The following TRIT1 variants were observed in gnomAD, a reference collection of about 807,000 sequenced individuals.
The protein encoded by TRIT1 is tRNA isopentenyltransferase 1.
TRIT1 carries 43 observed loss-of-function variants against 51.2 expected under a neutral mutation model. The observed-to-expected ratio is 0.84, with a 90% confidence interval of 0.66 to 1.08. The LOEUF is 1.08. Among genes scored for constraint, TRIT1 ranks in the 50% least tolerant of loss-of-function variants. TRIT1 has a pLI of 0.00. For missense variants in TRIT1, 528 were observed against 578.4 expected, an observed-to-expected ratio of 0.91 and a Z score of 0.89; for synonymous variants, 184 against 203.9, an observed-to-expected ratio of 0.90 and a Z score of 0.83.
At position 39,872,068 on chromosome 1, in the gene TRIT1, A is replaced by ATTTTT. The variant is rs59839907; in HGVS notation, c.174+11245_174+11249dup. On this transcript the variant is annotated intron_variant, in intron 1 of 10. Coordinates refer to ENST00000316891, the MANE Select transcript of TRIT1 (RefSeq NM_017646.6). ...AGGTATGTGCTACCAGGCCTGACTA[A>ATTTTT]TTTTTTTTTTTTTTTTTTTTTTTGT... Among the ~76,000 whole-genome samples, 259 of 114,182 alleles carry ATTTTT rather than the reference A, an allele frequency of 2.3e-3. 4 individuals carry two copies. The highest frequency in any genetic ancestry group is 8.7e-3 in the East Asian group (27 of 3,100). The allele number at this position is 114,182 out of a possible 152,430, so 74.9% of individuals were successfully genotyped here.
intron 1 of TRIT1, among the ~76,000 whole-genome samples, chr1:39,859,665 CTCTT>C (rs776114239): frequency 5.9e-5 from 9 of 152,070 alleles, no homozygotes; most frequent in South Asian, 4.1e-4. Flanking sequence ...CTCTCTCTCT[CTCTT>C]TTTCTCACAG....
In TRIT1 at chr1:39,854,012, A is replaced by G; in HGVS notation, c.372T>C (p.Tyr124=). 6.2e-7 allele frequency: 1 copy of G among 1,613,662 alleles called. No individual in the cohort carries two copies. The highest frequency in any genetic ancestry group is 1.1e-5 in the South Asian group (1 of 90,958). ...CTTTCCAGAGCAGAGATTCAATGTA[A>G]TAATTGGTTCCTCCCACAACAATAG... ...KIPIVVGGTN[Y]YIESLLWKVL... Residue 124 remains tyrosine (Y), a synonymous_variant, in exon 3 of 11, where the codon TAT becomes TAC. Coordinates refer to ENST00000316891, the MANE Select transcript of TRIT1 (RefSeq NM_017646.6).
intron 8 of TRIT1, among the ~76,000 whole-genome samples, chr1:39,845,095 C>T (rs529516255): frequency 7.9e-5 from 12 of 152,246 alleles, no homozygotes; most frequent in Admixed American, 2.0e-4. Context: ...ATTCCCTCAG[C>T]GGCCTGGGAC....
intron 1 of TRIT1, among the ~76,000 whole-genome samples, chr1:39,863,689 T>G (rs1007326381): frequency 6.8e-6 from 1 of 146,392 alleles, no homozygotes; most frequent in Non-Finnish European, 1.5e-5. Context: ...ACCTGAACTC[T>G]CCAAATCAAC....
chr1:39,852,620 A>G, intron 4 of TRIT1, 111 bp downstream of exon 4: 3 of 1,340,766 alleles, frequency 2.2e-6, no homozygotes, highest in Non-Finnish European at 2.1e-6. Flanking sequence ...ACAACACATC[A>G]ATCTCCACTA....
rs1231812137 is a variant in TRIT1, at chr1:39,848,064, T to C, written c.737A>G (p.Asp246Gly). ...LDERLDKRVD[D>G]MLAAGLLEEL... ...CTCCAAGAGCCCAGCAGCAAGCATGTCATCCACCCTCTTATCCAAGCGCTC... is the reference window on the plus strand; with the variant it reads ...CTCCAAGAGCCCAGCAGCAAGCATGCCATCCACCCTCTTATCCAAGCGCTC... Residue 246 changes from aspartate to glycine, a missense_variant, in exon 6 of 11, where the codon GAC becomes GGC. Asp to Gly is a moderately conservative substitution (Grantham distance 94). Coordinates refer to ENST00000316891, the MANE Select transcript of TRIT1 (RefSeq NM_017646.6). The C allele has an allele frequency of 6.2e-7, 1 of 1,614,174 alleles. No individual in the cohort carries two copies. Among genetic ancestry groups the C allele is most frequent in the East Asian group, 2.2e-5 (1 of 44,884 alleles).
chr1:39,880,691 C>T (rs536063297), intron 1 of TRIT1, among the ~76,000 whole-genome samples: 14 of 151,648 alleles, frequency 9.2e-5, no homozygotes, highest in East Asian at 7.8e-4. Flanking sequence ...TCCAGCTACT[C>T]GGGAGGCTGA....
At chr1:39,853,004 A>G (rs1435657254) in intron 3 of TRIT1, 128 bp from the exon 4 acceptor site, 4 of 1,094,406 alleles carry the variant, frequency 3.7e-6, no homozygotes, top group African/African-American at 3.2e-5. Context: ...GAGAGATCAT[A>G]AACAGAAAAT....
chr1:39,865,972 A>C (rs1643522678), intron 1 of TRIT1, among the ~76,000 whole-genome samples: 1 of 151,432 alleles, frequency 6.6e-6, no homozygotes. Flanking sequence ...GAAAGAAAGA[A>C]GGAAAAGGAA....
At chr1:39,859,170 C>T (rs1184889990) in intron 1 of TRIT1, among the ~76,000 whole-genome samples, 4 of 141,580 alleles carry the variant, frequency 2.8e-5, no homozygotes, top group South Asian at 2.3e-4. Flanking sequence ...GCAGGAGAAT[C>T]GCTTGAACCC....
At chr1:39,861,221 T>C (rs1290181871) in intron 1 of TRIT1, among the ~76,000 whole-genome samples, 1 of 152,138 alleles carries the variant, frequency 6.6e-6, no homozygotes, top group Non-Finnish European at 1.5e-5. Context: ...GATGCAGCTA[T>C]TACGGAAAAC....
intron 1 of TRIT1, among the ~76,000 whole-genome samples, chr1:39,868,679 A>G (rs1344164885): frequency 3.3e-5 from 5 of 151,756 alleles, no homozygotes; most frequent in African/African-American, 4.8e-5. Flanking sequence ...AAATTCATCA[A>G]TAAGAAAACA....
chr1:39,848,177 T>A (rs1333742), intron 5 of TRIT1, 80 bp from the exon 6 acceptor site: 16 of 992,076 alleles, frequency 1.6e-5, no homozygotes, highest in Non-Finnish European at 2.5e-5. Flanking sequence ...GAACAGGTGG[T>A]CACAAAAAAA....
chr1:39,869,791 G>A lies in TRIT1; in HGVS notation c.175-12374C>T, dbSNP rs1177530629. Among the ~76,000 whole-genome samples the A allele has an allele frequency of 4.6e-5, 7 of 151,332 alleles. No homozygotes were observed. In the East Asian group the frequency reaches 7.8e-4, roughly 17 times the overall value. ...TGGGAGGTGAGGAGCGTCTCTGCCC[G>A]GCCGCCCCGTCTGAGAAGTGAGGAG... On this transcript the variant is annotated intron_variant, in intron 1 of 10. Coordinates refer to ENST00000316891, the MANE Select transcript of TRIT1 (RefSeq NM_017646.6).
At chr1:39,842,814 T>G (rs1217640206) in intron 10 of TRIT1, among the ~76,000 whole-genome samples, 1 of 152,198 alleles carries the variant, frequency 6.6e-6, no homozygotes, top group Non-Finnish European at 1.5e-5. Flanking sequence ...GAGGTTAGAA[T>G]TAAGAGAAAA....
intron 1 of TRIT1, among the ~76,000 whole-genome samples, chr1:39,879,311 G>A (rs187557027): frequency 6.6e-6 from 1 of 152,004 alleles, no homozygotes; most frequent in East Asian, 1.9e-4. Flanking sequence ...GAACCCCACA[G>A]CCCCTGGTCA....
chr1:39,852,998 G>T (rs1264477542), intron 3 of TRIT1, 122 bp from the exon 4 acceptor site: 1 of 1,132,578 alleles, frequency 8.8e-7, no homozygotes, highest in Non-Finnish European at 1.2e-6. Context: ...TATAGTGAGA[G>T]ATCATAAACA....
At chr1:39,858,041 T>C (rs544569887) in intron 1 of TRIT1, among the ~76,000 whole-genome samples, 1 of 152,354 alleles carries the variant, frequency 6.6e-6, no homozygotes, top group African/African-American at 2.4e-5. Flanking sequence ...GGCAATATCC[T>C]GTCTGTGAGC....
At chr1:39,861,565 T>A (rs1643246086) in intron 1 of TRIT1, among the ~76,000 whole-genome samples, 1 of 152,102 alleles carries the variant, frequency 6.6e-6, no homozygotes. Flanking sequence ...CAAGTATCCA[T>A]CCACAGATAA....
Sources: allele counts gnomAD v4.1 joint callset (sites outside exome capture counted in the v4.1 genomes callset), GRCh38; gene constraint gnomAD v4.1.1; transcripts MANE v1.5; gene names NCBI Gene and HGNC (gene_info 2026-07-23, HGNC 2026-07-21).